Variants in ETV1 observed in about 807,000 individuals in gnomAD.
ETV1 encodes ETS variant transcription factor 1.
In ETV1, 27 loss-of-function variants were observed where a neutral mutation model predicts 62.3. The ratio of observed to expected loss-of-function variants is 0.43; its 90% CI spans 0.32 to 0.60. ETV1 has a LOEUF of 0.60. ETV1 is among the 20% of genes least tolerant of loss of function. The pLI is 0.06. For missense variants in ETV1, 605 were observed against 605.8 expected (o/e 1.00, Z 0.01); for synonymous variants, 222 against 199.6 (o/e 1.11, Z -0.94).
At chr7:13,918,971 T>C (rs992520473) in intron 9 of ETV1, among the ~76,000 whole-genome samples, 6 of 152,104 alleles carry the variant, frequency 3.9e-5, no homozygotes, top group African/African-American at 1.4e-4. Flanking sequence ...TTTTATCTTA[T>C]CCTCTAGCCC....
At chr7:13,960,929 T>G (rs932069076) in intron 6 of ETV1, among the ~76,000 whole-genome samples, 4 of 152,032 alleles carry the variant, frequency 2.6e-5, no homozygotes, top group African/African-American at 9.7e-5. Context: ...ATCACTTGGG[T>G]CCACAAGTTC....
At chr7:13,903,956 A>C (rs1262822042) in intron 12 of ETV1, among the ~76,000 whole-genome samples, 1 of 152,154 alleles carries the variant, frequency 6.6e-6, no homozygotes, top group Non-Finnish European at 1.5e-5. Flanking sequence ...ATCATTTTAA[A>C]ATGCAAGATG....
At chr7:13,913,721 A>G (rs1339540919) in intron 9 of ETV1, among the ~76,000 whole-genome samples, 1 of 152,098 alleles carries the variant, frequency 6.6e-6, no homozygotes, top group African/African-American at 2.4e-5. Flanking sequence ...ATTATATGAG[A>G]TGACTGATTT....
intron 3 of ETV1, chr7:13,988,399 G>C (rs1309245521): frequency 1.7e-6 from 1 of 579,806 alleles, no homozygotes; most frequent in East Asian, 2.9e-5. Flanking sequence ...TCCCAGTGCC[G>C]ATCTTAGCAC....
intron 9 of ETV1, among the ~76,000 whole-genome samples, chr7:13,915,590 G>C (rs780564360): frequency 1.3e-5 from 2 of 152,082 alleles, no homozygotes; most frequent in Admixed American, 6.6e-5. Context: ...AGGTTTACAA[G>C]GATGCATAGA....
At chr7:13,932,150 T>C (rs1343250320) in intron 8 of ETV1, among the ~76,000 whole-genome samples, 1 of 152,102 alleles carries the variant, frequency 6.6e-6, no homozygotes, top group East Asian at 1.9e-4. Context: ...AATCATTATA[T>C]ACCAGAAAAA....
chr7:13,937,729 A>G (rs1786975423), intron 7 of ETV1, among the ~76,000 whole-genome samples: 1 of 152,330 alleles, frequency 6.6e-6, no homozygotes, highest in Middle Eastern at 3.4e-3. Context: ...TAAAACTCAG[A>G]TCGATCAATA....
chr7:13,913,289 T>A (rs761446707), intron 9 of ETV1, among the ~76,000 whole-genome samples: 6 of 152,220 alleles, frequency 3.9e-5, no homozygotes, highest in Non-Finnish European at 8.8e-5. Flanking sequence ...CTATTATGCA[T>A]CCACAGATTA....
At chr7:13,967,817 A>T (rs575384077) in intron 6 of ETV1, among the ~76,000 whole-genome samples, 1 of 152,234 alleles carries the variant, frequency 6.6e-6, no homozygotes, top group South Asian at 2.1e-4. Context: ...TTATTTCATG[A>T]AACTTACATA....
chr7:13,951,200 TCA>T (rs1788784144), intron 6 of ETV1, among the ~76,000 whole-genome samples: 3 of 151,648 alleles, frequency 2.0e-5, no homozygotes, highest in Admixed American at 2.0e-4. Flanking sequence ...TCTCTCTCTC[TCA>T]CACACACATA....
At chr7:13,939,654 A>G (rs117600564) in intron 6 of ETV1, among the ~76,000 whole-genome samples, 54 of 152,358 alleles carry the variant, frequency 3.5e-4, no homozygotes, top group Non-Finnish European at 6.9e-4. Context: ...GCATTATTGA[A>G]AGGAAAATAT....
At position 13,892,988 on chromosome 7, in the gene ETV1, C is replaced by T; in HGVS notation, c.*2878G>A. On this transcript the variant is annotated 3_prime_UTR_variant, in exon 14 of 14. Coordinates refer to ENST00000430479, the MANE Select transcript of ETV1 (RefSeq NM_004956.5). ...GTTACAGCATCTACGGGAAACTAGA[C>T]CTCCAAGATCCGCCCATGATTTGAG... The T allele has an allele frequency of 4.3e-6, 1 of 232,762 alleles. No homozygotes were observed. The highest frequency in any genetic ancestry group is 8.5e-6 in the Non-Finnish European group (1 of 117,750). The allele number at this position is 232,762 out of a possible 1,614,324, so 14.4% of individuals were successfully genotyped here.
At chr7:13,984,136 A>G (rs1407093576) in intron 5 of ETV1, among the ~76,000 whole-genome samples, 1 of 152,016 alleles carries the variant, frequency 6.6e-6, no homozygotes, top group Non-Finnish European at 1.5e-5. Context: ...TATGTCTAAT[A>G]AGGTTTTTAG....
chr7:13,942,819 G>A (rs2128463718), intron 6 of ETV1, among the ~76,000 whole-genome samples: 1 of 152,252 alleles, frequency 6.6e-6, no homozygotes, highest in African/African-American at 2.4e-5. Flanking sequence ...AAATATGCAT[G>A]CAGTATGATG....
intron 13 of ETV1, among the ~76,000 whole-genome samples, chr7:13,898,618 AT>A (rs1472801601): frequency 9.2e-5 from 14 of 152,252 alleles, no homozygotes; most frequent in African/African-American, 3.4e-4. Flanking sequence ...GATGTAAGTT[AT>A]TTTTATTTTT....
upstream of ETV1, among the ~76,000 whole-genome samples, chr7:13,990,144 C>T (rs1199327065): frequency 6.6e-6 from 1 of 152,154 alleles, no homozygotes; most frequent in African/African-American, 2.4e-5. Flanking sequence ...AGGAGCTCAC[C>T]TCGCTCTCTA....
chr7:13,909,210 C>T (rs73274812), intron 11 of ETV1, among the ~76,000 whole-genome samples: 208 of 151,112 alleles, frequency 1.4e-3, no homozygotes, highest in African/African-American at 4.7e-3. Flanking sequence ...TTCCATAATG[C>T]ATCTTTCCAT....
intron 8 of ETV1, among the ~76,000 whole-genome samples, chr7:13,933,710 T>C (rs1340179649): frequency 6.6e-6 from 1 of 152,188 alleles, no homozygotes; most frequent in African/African-American, 2.4e-5. Flanking sequence ...GAAATCCTCC[T>C]CAGAAACATA....
chr7:13,959,281 A>G lies in ETV1; in HGVS notation c.235+18146T>C, dbSNP rs1377691012. Among the ~76,000 whole-genome samples the G allele has an allele frequency of 2.0e-5, 3 of 152,156 alleles. No individual in the cohort carries two copies. In the East Asian group the frequency reaches 5.8e-4, roughly 29 times the overall value. Reference sequence around the variant, plus strand: ...ACATACCACGGTTACCTGGTTATCAATAGGAAGTAGTAGATGGGGCACTGA... The same window carrying G: ...ACATACCACGGTTACCTGGTTATCAGTAGGAAGTAGTAGATGGGGCACTGA... On this transcript the variant is annotated intron_variant, in intron 6 of 13. Transcript: ENST00000430479.
Sources: gnomAD v4.1 joint callset for allele counts (sites outside exome capture counted in the v4.1 genomes callset) on GRCh38, gnomAD v4.1.1 for gene constraint, MANE v1.5 for transcripts, NCBI Gene and HGNC (gene_info 2026-07-23, HGNC 2026-07-21) for gene names.